EPHA3: variants seen among roughly 807,000 people sequenced by gnomAD.
The protein encoded by EPHA3 is EPH receptor A3.
Under a neutral mutation model 107.1 loss-of-function variants are expected in EPHA3, and 42 were observed. The observed-to-expected ratio is 0.39, with a 90% CI of 0.31 to 0.51. EPHA3 has a LOEUF of 0.51. EPHA3 is among the 20% of genes least tolerant of loss of function. The probability of loss-of-function intolerance (pLI) is 0.78; values close to 1 mark genes in which losing one functional copy is unlikely to be tolerated. For synonymous variants in EPHA3, 461 were observed against 424.8 expected, an observed-to-expected ratio of 1.09 and a Z score of -1.05; for missense variants, 1,183 against 1,211.2, an observed-to-expected ratio of 0.98 and a Z score of 0.35.
At chr3:89,319,901 G>C (rs1463294712) in intron 3 of EPHA3, among the ~76,000 whole-genome samples, 1 of 151,830 alleles carries the variant, frequency 6.6e-6, no homozygotes, top group Non-Finnish European at 1.5e-5. Flanking sequence ...TCGTGGGCTT[G>C]TTTTTAATAA....
At chr3:89,207,466 C>T (rs1168605984) in intron 2 of EPHA3, among the ~76,000 whole-genome samples, 1 of 151,722 alleles carries the variant, frequency 6.6e-6, no homozygotes, top group Non-Finnish European at 1.5e-5. Context: ...TGTACATGGC[C>T]CAAACTGGGA....
rs13069993 is a variant in EPHA3, at chr3:89,332,190, A to G, written c.815-8726A>G. Among the ~76,000 whole-genome samples, 618 of 152,300 alleles carry G rather than the reference A, an allele frequency of 4.1e-3. 4 individuals carry two copies. The highest frequency in any genetic ancestry group is 0.029 in the South Asian group (140 of 4,828). ...AAACCCAACTAGTGCTACTCTTAGG[A>G]CATACAGTTCCTTGAAAGTGGACAG... On this transcript the variant is annotated intron_variant, in intron 3 of 16. Coordinates refer to ENST00000336596, the MANE Select transcript of EPHA3 (RefSeq NM_005233.6).
intron 3 of EPHA3, among the ~76,000 whole-genome samples, chr3:89,250,756 G>C (rs961595269): frequency 6.6e-6 from 1 of 152,102 alleles, no homozygotes; most frequent in Non-Finnish European, 1.5e-5. Context: ...TCTTGAAATG[G>C]CTTCTGGATG....
intron 2 of EPHA3, among the ~76,000 whole-genome samples, chr3:89,172,541 G>A (rs1160807756): frequency 6.6e-6 from 1 of 152,172 alleles, no homozygotes; most frequent in Non-Finnish European, 1.5e-5. Flanking sequence ...TTAATTAGTT[G>A]CAATGCTTTC....
At chr3:89,391,421 CTT>C (rs758307339) in intron 5 of EPHA3, among the ~76,000 whole-genome samples, 2 of 115,998 alleles carry the variant, frequency 1.7e-5, no homozygotes, top group Non-Finnish European at 1.8e-5. Flanking sequence ...TCTTTCTTTT[CTT>C]TTTTTTTTTT....
At chr3:89,314,060 A>G (rs1036584986) in intron 3 of EPHA3, among the ~76,000 whole-genome samples, 3 of 151,954 alleles carry the variant, frequency 2.0e-5, no homozygotes, top group Non-Finnish European at 4.4e-5. Flanking sequence ...TTGACTAGGC[A>G]TCTCAACATG....
At chr3:89,337,724 C>CT (rs1210017155) in intron 3 of EPHA3, among the ~76,000 whole-genome samples, 1 of 152,162 alleles carries the variant, frequency 6.6e-6, no homozygotes, top group Non-Finnish European at 1.5e-5. Context: ...TTCTAAGGAT[C>CT]TTTTAGCTCC....
intron 5 of EPHA3, among the ~76,000 whole-genome samples, chr3:89,378,159 A>G (rs143869162): frequency 0.016 from 2,402 of 152,184 alleles, 64 homozygotes; most frequent in African/African-American, 0.055. Flanking sequence ...AATACCTAAT[A>G]TAGATGATGG....
chr3:89,180,560 G>T (rs1705420247), intron 2 of EPHA3, among the ~76,000 whole-genome samples: 1 of 151,960 alleles, frequency 6.6e-6, no homozygotes, highest in Non-Finnish European at 1.5e-5. Flanking sequence ...TTAAACTGAG[G>T]AGCATTTCCT....
intron 2 of EPHA3, among the ~76,000 whole-genome samples, chr3:89,196,578 C>G (rs1705841542): frequency 6.7e-6 from 1 of 148,230 alleles, no homozygotes; most frequent in Admixed American, 6.6e-5. Flanking sequence ...TGTCCAAACT[C>G]AGTTGGAATT....
chr3:89,118,919 G>A (rs1457641613), intron 1 of EPHA3, among the ~76,000 whole-genome samples: 1 of 151,756 alleles, frequency 6.6e-6, no homozygotes, highest in Non-Finnish European at 1.5e-5. Context: ...TTTAGTGGAG[G>A]GTGCAATTTA....
chr3:89,208,724 A>T (rs566427475), intron 2 of EPHA3, among the ~76,000 whole-genome samples: 1 of 152,130 alleles, frequency 6.6e-6, no homozygotes, highest in Non-Finnish European at 1.5e-5. Flanking sequence ...ATAATATAAT[A>T]TGTGGAAATA....
At chr3:89,151,256 G>A (rs1487123798) in intron 2 of EPHA3, among the ~76,000 whole-genome samples, 1 of 152,018 alleles carries the variant, frequency 6.6e-6, no homozygotes. Flanking sequence ...TTTTTATTCA[G>A]ACATTCAGAG....
At chr3:89,188,134 G>T (rs557721237) in intron 2 of EPHA3, among the ~76,000 whole-genome samples, 25 of 152,178 alleles carry the variant, frequency 1.6e-4, no homozygotes, top group African/African-American at 5.8e-4. Flanking sequence ...GACAATAAAT[G>T]GATACATTCT....
intron 3 of EPHA3, among the ~76,000 whole-genome samples, chr3:89,217,323 G>T (rs1022299981): frequency 6.6e-6 from 1 of 151,842 alleles, no homozygotes; most frequent in Non-Finnish European, 1.5e-5. Context: ...TCCAGTATGC[G>T]GACAAAACAT....
intron 3 of EPHA3, among the ~76,000 whole-genome samples, chr3:89,299,722 C>A (rs1480837222): frequency 6.6e-6 from 1 of 151,936 alleles, no homozygotes; most frequent in African/African-American, 2.4e-5. Flanking sequence ...AGAATCCAGT[C>A]TCTTATTACA....
intron 5 of EPHA3, among the ~76,000 whole-genome samples, chr3:89,390,903 T>C (rs1299461097): frequency 6.6e-6 from 1 of 151,284 alleles, no homozygotes; most frequent in Non-Finnish European, 1.5e-5. Flanking sequence ...TTCTCCTGCC[T>C]CAGCCTCCCG....
In EPHA3 at chr3:89,195,130, G is replaced by A. The variant is rs190169648; in HGVS notation, c.154-14730G>A. On this transcript the variant is annotated intron_variant, in intron 2 of 16. Transcript: ENST00000336596. ...ATGTAATTTTTTTTTCTGAATTCTG[G>A]ATATCCATTTCAACTTTTGAAAACA... is the stretch of plus-strand genomic sequence containing the variant. 4.6e-5 allele frequency among the ~76,000 whole-genome samples: 7 copies of A among 151,632 alleles called. No individual in the cohort carries two copies. The East Asian group carries it at 1.4e-3, about 29-fold the overall frequency.
chr3:89,258,626 C>T lies in EPHA3; in HGVS notation c.814+48106C>T, dbSNP rs559745420. Among the ~76,000 whole-genome samples, 95 of 152,064 alleles carry T rather than the reference C, an allele frequency of 6.2e-4. 1 individual carries two copies. Among genetic ancestry groups the T allele is most frequent in the Non-Finnish European group, 1.1e-3 (78 of 68,012 alleles). Reference sequence around the variant, plus strand: ...AAAATACAGACATAAAGAAATACAGCGGTTCATTTTATTCTTTTAACATTC... The same window carrying T: ...AAAATACAGACATAAAGAAATACAGTGGTTCATTTTATTCTTTTAACATTC... On this transcript the variant is annotated intron_variant, in intron 3 of 16. Transcript: ENST00000336596.
Sources: allele counts gnomAD v4.1 joint callset (sites outside exome capture counted in the v4.1 genomes callset), GRCh38; gene constraint gnomAD v4.1.1; transcripts MANE v1.5; gene names NCBI Gene and HGNC (gene_info 2026-07-23, HGNC 2026-07-21).